AIG1: variants seen among roughly 807,000 people sequenced by gnomAD.
The protein encoded by AIG1 is androgen induced 1.
Under a neutral mutation model 31.4 loss-of-function variants are expected in AIG1, and 23 were observed. The ratio of observed to expected loss-of-function variants is 0.73; its 90% CI spans 0.53 to 1.04. The LOEUF is 1.04. Ranked by LOEUF, AIG1 falls within the 50% of genes least tolerant of loss-of-function variation. AIG1 has a pLI of 0.00. For synonymous variants in AIG1, 100 were observed against 110.5 expected (o/e 0.90, Z 0.60); for missense variants, 274 against 295.0 (o/e 0.93, Z 0.52).
rs1387884060 is a variant in AIG1 at position 143,297,746 on chromosome 6, C to T, written c.515+13521C>T. The stretch of plus-strand genomic sequence containing the variant: ...ACTGCCTCTCCTCCAATTTTCATGT[C>T]TCAGCCAGATAGTTTTTTTAAAATG... On this transcript the variant is annotated intron_variant, in intron 4 of 5. Coordinates refer to ENST00000357847, the MANE Select transcript of AIG1 (RefSeq NM_016108.4). The surrounding 1 kb of genome is among the most constrained non-coding windows in gnomAD (Gnocchi z 5.1). Among the ~76,000 whole-genome samples the T allele has an allele frequency of 3.3e-5, 5 of 152,198 alleles. No individual in the cohort carries two copies. Among genetic ancestry groups the T allele is most frequent in the Non-Finnish European group, 7.3e-5 (5 of 68,038 alleles).
In AIG1 at chr6:143,064,329, T is replaced by A. The variant is rs116981474; in HGVS notation, c.141+3263T>A. Among the ~76,000 whole-genome samples the A allele has an allele frequency of 1.3e-3, 200 of 152,162 alleles. 6 individuals carry two copies. The East Asian group carries it at 0.033, about 25-fold the overall frequency. Reference sequence around the variant, plus strand: ...GGAGGAAGATGTGACTGGAAGAAAGTCAGAGAGAGATACGACAATGCTGGG... The same window carrying A: ...GGAGGAAGATGTGACTGGAAGAAAGACAGAGAGAGATACGACAATGCTGGG... On this transcript the variant is annotated intron_variant, in intron 1 of 5. Transcript: ENST00000357847.
At chr6:143,188,031 G>T in intron 3 of AIG1, 1 of 1,082,214 alleles carries the variant, frequency 9.2e-7, no homozygotes. Flanking sequence ...GTTTCTTTTA[G>T]GTGATTTTTA....
intron 4 of AIG1, among the ~76,000 whole-genome samples, chr6:143,285,363 T>C (rs971596827): frequency 6.7e-6 from 1 of 150,134 alleles, no homozygotes; most frequent in African/African-American, 2.4e-5. Context: ...TACGACCATG[T>C]GGTAAAGCTC....
downstream of AIG1, chr6:143,343,142 A>C: frequency 1.3e-6 from 1 of 753,482 alleles, no homozygotes; most frequent in East Asian, 2.5e-5. Context: ...GCCATTATTT[A>C]CTTCCAATGT....
intron 4 of AIG1, among the ~76,000 whole-genome samples, chr6:143,289,835 A>T (rs1236835615): frequency 2.0e-5 from 3 of 152,226 alleles, no homozygotes; most frequent in African/African-American, 7.2e-5. Flanking sequence ...TAAAATTTTT[A>T]GGAAAAAATG....
Position 143,268,020 on chromosome 6 carries a change from G to T in AIG1, c.400-16090G>T, listed in dbSNP as rs1040849302. On this transcript the variant is annotated intron_variant, in intron 3 of 5. Coordinates refer to ENST00000357847, the MANE Select transcript of AIG1 (RefSeq NM_016108.4). This position sits in a 1 kb window ranked among gnomAD's most constrained non-coding sequence, Gnocchi z 5.0. ...GGTTTCTTTGATTTGGCTGAACTCT[G>T]TGAGCACAATGTTGTAATACTGTTG... is the stretch of plus-strand genomic sequence containing the variant. 3.3e-5 allele frequency among the ~76,000 whole-genome samples: 5 copies of T among 152,202 alleles called. No individual in the cohort carries two copies. Among genetic ancestry groups the T allele is most frequent in the African/African-American group, 1.2e-4 (5 of 41,442 alleles).
Position 143,330,518 on chromosome 6 carries a change from G to T in AIG1, c.516-2764G>T, listed in dbSNP as rs530858405. Among the ~76,000 whole-genome samples the T allele has an allele frequency of 1.3e-5, 2 of 151,978 alleles. No individual in the cohort carries two copies. Among genetic ancestry groups the T allele is most frequent in the African/African-American group, 4.8e-5 (2 of 41,298 alleles). ...CAAGGAGTTGATGGGCTGGAGTGGC[G>T]GGGAACGATGGGGAGAATAACAGGA... On this transcript the variant is annotated intron_variant, in intron 4 of 5. Coordinates refer to ENST00000357847, the MANE Select transcript of AIG1 (RefSeq NM_016108.4). The surrounding 1 kb of genome is among the most constrained non-coding windows in gnomAD (Gnocchi z 4.4).
In AIG1 at chr6:143,331,170, G is replaced by A. The variant is rs557997397; in HGVS notation, c.516-2112G>A. 6.6e-6 allele frequency among the ~76,000 whole-genome samples: 1 copy of A among 151,674 alleles called. No homozygotes were observed. The highest frequency in any genetic ancestry group is 1.5e-5 in the Non-Finnish European group (1 of 67,926). ...TTTTTTTTTCCTAATTTCCACCACA[G>A]GAACATTTTTTATTGTGCTAAAATA... On this transcript the variant is annotated intron_variant, in intron 4 of 5. Transcript: ENST00000357847. The surrounding 1 kb of genome is among the most constrained non-coding windows in gnomAD (Gnocchi z 4.1).
chr6:143,332,283 T>C (rs747755679), intron 4 of AIG1, among the ~76,000 whole-genome samples: 9 of 152,176 alleles, frequency 5.9e-5, no homozygotes, highest in African/African-American at 1.2e-4. Flanking sequence ...AATAGAGTTA[T>C]CTGTATTTTA....
intron 3 of AIG1, chr6:143,187,817 T>C: frequency 6.8e-7 from 1 of 1,481,132 alleles, no homozygotes; most frequent in Non-Finnish European, 8.9e-7. Flanking sequence ...GTTGATGAAA[T>C]ACGGGCCTTC....
At chr6:143,094,073 AG>A (rs1660603049) in intron 1 of AIG1, 1 of 152,238 alleles carries the variant, frequency 6.6e-6, no homozygotes, top group African/African-American at 2.4e-5. Flanking sequence ...TGCTTGATGC[AG>A]GGTTGCCACA....
intron 1 of AIG1, among the ~76,000 whole-genome samples, chr6:143,128,587 A>G (rs1158572094): frequency 6.6e-6 from 1 of 152,228 alleles, no homozygotes; most frequent in Non-Finnish European, 1.5e-5. Flanking sequence ...AGCTCTGCAG[A>G]ATGGCTGGAG....
At chr6:143,273,379 T>C (rs1418983332) in intron 3 of AIG1, among the ~76,000 whole-genome samples, 1 of 152,228 alleles carries the variant, frequency 6.6e-6, no homozygotes, top group Non-Finnish European at 1.5e-5. Flanking sequence ...ACTTGTCACT[T>C]TTCCGTGCTC....
intron 1 of AIG1, among the ~76,000 whole-genome samples, chr6:143,063,311 T>C (rs1776414733): frequency 6.6e-6 from 1 of 152,244 alleles, no homozygotes. Context: ...CTTTGCTTCA[T>C]ATTTAGCTTC....
Position 143,338,956 on chromosome 6 carries a change from A to T in AIG1, c.680-683A>T, listed in dbSNP as rs1777709513. ...ATTCCTAAAAATGATGAACATTTTC[A>T]TCTTCAGGAACATGAAACATCATCG... On this transcript the variant is annotated intron_variant, in intron 5 of 5. Coordinates refer to ENST00000357847, the MANE Select transcript of AIG1 (RefSeq NM_016108.4). This position sits in a 1 kb window ranked among gnomAD's most constrained non-coding sequence, Gnocchi z 4.3. The T allele has an allele frequency of 6.6e-6, 1 of 152,316 alleles. No individual in the cohort carries two copies. Among genetic ancestry groups the T allele is most frequent in the African/African-American group, 2.4e-5 (1 of 41,576 alleles). The allele number at this position is 152,316 out of a possible 1,614,324, so 9.4% of individuals were successfully genotyped here. A position where few individuals can be genotyped will look rare whatever the true frequency, so the allele number is the denominator to read the frequency against.
chr6:143,333,526 T>G lies in AIG1; in HGVS notation c.679+81T>G. The G allele has an allele frequency of 7.0e-7, 1 of 1,421,798 alleles. No individual in the cohort carries two copies. Among genetic ancestry groups the G allele is most frequent in the East Asian group, 2.4e-5 (1 of 41,898 alleles). The allele number at this position is 1,421,798 out of a possible 1,614,324, so 88.1% of individuals were successfully genotyped here. A position where few individuals can be genotyped will look rare whatever the true frequency, so the allele number is the denominator to read the frequency against. ...TGCAGAGACTGAGGGAAAATTCCAC[T>G]GTAGCCTCTTCTTTTAGCCTTCACA... On this transcript the variant is annotated intron_variant, in intron 5 of 5. Transcript: ENST00000357847. This position sits in a 1 kb window ranked among gnomAD's most constrained non-coding sequence, Gnocchi z 4.6.
chr6:143,075,406 T>C (rs1322394213), intron 1 of AIG1, among the ~76,000 whole-genome samples: 1 of 152,058 alleles, frequency 6.6e-6, no homozygotes, highest in Non-Finnish European at 1.5e-5. Context: ...CAGGTTTAGG[T>C]GATCTTCCCA....
chr6:143,199,728 G>A (rs1790536096), intron 3 of AIG1, among the ~76,000 whole-genome samples: 1 of 152,128 alleles, frequency 6.6e-6, no homozygotes, highest in South Asian at 2.1e-4. Flanking sequence ...AGTGATAGAA[G>A]GGATGTAAAA....
intron 1 of AIG1, among the ~76,000 whole-genome samples, chr6:143,090,411 T>A (rs1779196118): frequency 6.6e-6 from 1 of 152,162 alleles, no homozygotes; most frequent in East Asian, 1.9e-4. Flanking sequence ...AAACTTAGAA[T>A]TTATAGTCGA....
Sources: allele counts gnomAD v4.1 joint callset (sites outside exome capture counted in the v4.1 genomes callset), GRCh38; gene constraint gnomAD v4.1.1; non-coding constraint Gnocchi (gnomAD v3.1); transcripts MANE v1.5; gene names NCBI Gene and HGNC (gene_info 2026-07-23, HGNC 2026-07-21).